The following CNTLN variants were observed in gnomAD, a reference collection of about 807,000 sequenced individuals.
CNTLN encodes centlein.
A neutral mutation model predicts 180.0 loss-of-function variants in CNTLN; 212 were observed. The observed-to-expected ratio is 1.18, with a 90% CI of 1.05 to 1.32. The LOEUF (loss-of-function observed/expected upper bound fraction) is 1.32. Ranked by LOEUF, CNTLN falls within the 40% of genes most tolerant of loss-of-function variation. The probability of loss-of-function intolerance (pLI) is 0.00; values close to 1 mark genes in which losing one functional copy is unlikely to be tolerated. For synonymous variants in CNTLN, 722 were observed against 563.1 expected, an observed-to-expected ratio of 1.28 and a Z score of -3.99; for missense variants, 2,095 against 1,610.9, an observed-to-expected ratio of 1.30 and a Z score of -5.14.
chr9:17,193,995 A>G (rs187785905), intron 2 of CNTLN, among the ~76,000 whole-genome samples: 22 of 152,354 alleles, frequency 1.4e-4, no homozygotes, highest in Admixed American at 1.0e-3. Flanking sequence ...CTCTGAAGCC[A>G]TGGCTCAAAC....
rs556676795 is a variant in CNTLN, at chr9:17,501,075, A to G, written c.4120-1476A>G. On this transcript the variant is annotated intron_variant, in intron 25 of 25. Coordinates refer to ENST00000380647, the MANE Select transcript of CNTLN (RefSeq NM_017738.4). ...TTCCTGAAATTGGGATGCATGTGCA[A>G]TATGAGTGTGTTTGATGTGGTAGGT... is the stretch of plus-strand genomic sequence containing the variant. Among the ~76,000 whole-genome samples the G allele has an allele frequency of 2.0e-5, 3 of 152,354 alleles. No homozygotes were observed. In the South Asian group the frequency reaches 6.2e-4, roughly 32 times the overall value.
At chr9:17,269,801 A>G (rs936167646) in intron 5 of CNTLN, among the ~76,000 whole-genome samples, 5 of 152,020 alleles carry the variant, frequency 3.3e-5, no homozygotes, top group Non-Finnish European at 5.9e-5. Flanking sequence ...CTACTCCTCT[A>G]TTTCATTATT....
chr9:17,299,370 C>T, intron 7 of CNTLN: 1 of 725,896 alleles, frequency 1.4e-6, no homozygotes, highest in Non-Finnish European at 1.7e-6. Context: ...GTAGTTGAGG[C>T]AAGTGAGGCT....
chr9:17,174,994 A>G (rs1820635351), intron 2 of CNTLN, among the ~76,000 whole-genome samples: 2 of 152,290 alleles, frequency 1.3e-5, no homozygotes, highest in South Asian at 4.1e-4. Context: ...TTGGATTTCA[A>G]AAAATTACTG....
At chr9:17,510,534 A>G in the CNTLN span, among the ~76,000 whole-genome samples, 103 of 152,288 alleles carry the variant, frequency 6.8e-4, no homozygotes, top group African/African-American at 2.4e-3. Flanking sequence ...AGTAAAGCAG[A>G]TTGCCCTCCA....
At chr9:17,288,676 A>T (rs1372849301) in intron 6 of CNTLN, among the ~76,000 whole-genome samples, 3 of 137,064 alleles carry the variant, frequency 2.2e-5, no homozygotes, top group Admixed American at 7.2e-5. Flanking sequence ...GACTTGCTTT[A>T]TGAATCTGGG....
chr9:17,266,163 T>A (rs921344249), intron 5 of CNTLN, among the ~76,000 whole-genome samples: 3 of 151,918 alleles, frequency 2.0e-5, no homozygotes, highest in Admixed American at 2.0e-4. Context: ...CTGCTTTCTC[T>A]TTTGGGCATT....
intron 18 of CNTLN, among the ~76,000 whole-genome samples, chr9:17,423,524 T>G (rs139945994): frequency 1.3e-5 from 2 of 152,232 alleles, no homozygotes; most frequent in Non-Finnish European, 2.9e-5. Context: ...GGAGGGGTGA[T>G]GTAAACACTC....
chr9:17,331,038 A>T (rs146556986), intron 9 of CNTLN, among the ~76,000 whole-genome samples: 1 of 151,994 alleles, frequency 6.6e-6, no homozygotes, highest in Non-Finnish European at 1.5e-5. Context: ...TATTAGTGCT[A>T]TACCCATTTT....
the CNTLN span, among the ~76,000 whole-genome samples, chr9:17,512,991 T>C: frequency 6.6e-6 from 1 of 152,068 alleles, no homozygotes; most frequent in Non-Finnish European, 1.5e-5. Context: ...TAATTTTTTT[T>C]GTATTTTTAG....
chr9:17,135,806 A>G lies in CNTLN; in HGVS notation c.360+381A>G, dbSNP rs150692372. On this transcript the variant is annotated intron_variant, in intron 1 of 25. Coordinates refer to ENST00000380647, the MANE Select transcript of CNTLN (RefSeq NM_017738.4). The stretch of plus-strand genomic sequence containing the variant: ...GTCCACTAGTTGAAATGAACAGGAA[A>G]GTGTAAACACTTCGGTTAGAGTAAA... Among the ~76,000 whole-genome samples the G allele has an allele frequency of 7.9e-5, 12 of 152,268 alleles. No individual in the cohort carries two copies. In the East Asian group the frequency reaches 2.1e-3, roughly 27 times the overall value.
intron 18 of CNTLN, among the ~76,000 whole-genome samples, chr9:17,435,909 G>T (rs1349683243): frequency 1.3e-5 from 2 of 152,004 alleles, no homozygotes; most frequent in African/African-American, 4.8e-5. Context: ...GACCTGTCAA[G>T]GTAACAAATT....
At chr9:17,469,343 A>G (rs1171084876) in intron 23 of CNTLN, among the ~76,000 whole-genome samples, 3 of 151,778 alleles carry the variant, frequency 2.0e-5, no homozygotes, top group Admixed American at 2.0e-4. Context: ...GTGCCAACAT[A>G]TAGTTGCTAT....
chr9:17,464,561 C>G lies in CNTLN; in HGVS notation c.3469C>G (p.Gln1157Glu). The change falls in exon 21 of 26, where the codon CAG (glutamine) becomes GAG (glutamate). Residue 1157 changes from glutamine to glutamate, a missense_variant. Transcript: ENST00000380647. ...TTTGATAGAGGACTTGAAATTTCGA[C>G]AGAAAGTAAATTTGGAAAGTAACAA... ...RHLIEDLKFRQKVNLESNKSF... is the reference protein window; with the variant it reads ...RHLIEDLKFREKVNLESNKSF... 2 of 1,513,002 alleles carry G rather than the reference C, an allele frequency of 1.3e-6. No homozygotes were observed. The highest frequency in any genetic ancestry group is 1.8e-6 in the Non-Finnish European group (2 of 1,133,722). The allele number at this position is 1,513,002 out of a possible 1,614,324, so 93.7% of individuals were successfully genotyped here. A position where few individuals can be genotyped will look rare whatever the true frequency, so the allele number is the denominator to read the frequency against.
At chr9:17,483,497 C>G (rs1055731228) in intron 23 of CNTLN, among the ~76,000 whole-genome samples, 2 of 152,148 alleles carry the variant, frequency 1.3e-5, no homozygotes, top group African/African-American at 4.8e-5. Flanking sequence ...TATCTGAGCA[C>G]CATTATTTAT....
the CNTLN span, among the ~76,000 whole-genome samples, chr9:17,511,189 A>G: frequency 6.6e-6 from 1 of 152,162 alleles, no homozygotes; most frequent in African/African-American, 2.4e-5. Flanking sequence ...GTCTTTTTAG[A>G]AAGCATGGGA....
At chr9:17,252,101 A>G (rs992240973) in intron 5 of CNTLN, among the ~76,000 whole-genome samples, 1 of 151,782 alleles carries the variant, frequency 6.6e-6, no homozygotes, top group African/African-American at 2.4e-5. Flanking sequence ...TCCATTATTT[A>G]TATATACACC....
At chr9:17,223,391 A>T (rs1474448974) in intron 2 of CNTLN, among the ~76,000 whole-genome samples, 1 of 151,586 alleles carries the variant, frequency 6.6e-6, no homozygotes, top group Non-Finnish European at 1.5e-5. Context: ...TCAACTGCCT[A>T]CTCCTCTTGG....
At position 17,464,557 on chromosome 9, in the gene CNTLN, T is replaced by C; in HGVS notation, c.3465T>C (p.Phe1155=). The C allele has an allele frequency of 3.3e-6, 5 of 1,524,812 alleles. No homozygotes were observed. Among genetic ancestry groups the C allele is most frequent in the Non-Finnish European group, 4.4e-6 (5 of 1,141,452 alleles). The allele number at this position is 1,524,812 out of a possible 1,614,324, so 94.5% of individuals were successfully genotyped here. Residue 1155 remains phenylalanine (F), a synonymous_variant, in exon 21 of 26, where the codon TTT becomes TTC. Transcript: ENST00000380647. ...MKRHLIEDLK[F]RQKVNLESNK... ...GACATTTGATAGAGGACTTGAAATT[T>C]CGACAGAAAGTAAATTTGGAAAGTA...
Sources: gnomAD v4.1 joint callset for allele counts (sites outside exome capture counted in the v4.1 genomes callset) on GRCh38, gnomAD v4.1.1 for gene constraint, MANE v1.5 for transcripts, NCBI Gene and HGNC (gene_info 2026-07-23, HGNC 2026-07-21) for gene names.